The following FMN2 variants were observed in gnomAD, a reference collection of about 807,000 sequenced individuals.
FMN2 encodes formin-2.
Under a neutral mutation model 142.3 loss-of-function variants are expected in FMN2, and 51 were observed. The observed-to-expected ratio is 0.36, with a 90% confidence interval of 0.29 to 0.45. The LOEUF (loss-of-function observed/expected upper bound fraction) is 0.45, where lower values mean the gene tolerates loss of function less well. FMN2 is among the 20% of genes least tolerant of loss of function. FMN2 has a pLI of 1.00. For missense variants in FMN2, 1,936 were observed against 2,122.8 expected, an observed-to-expected ratio of 0.91 and a Z score of 1.73; for synonymous variants, 882 against 869.8, an observed-to-expected ratio of 1.01 and a Z score of -0.25.
intron 8 of FMN2, among the ~76,000 whole-genome samples, chr1:240,326,497 A>G (rs766142586): frequency 4.6e-5 from 7 of 151,856 alleles, no homozygotes; most frequent in Non-Finnish European, 8.8e-5. Context: ...TATTACTCTG[A>G]TTTACTTTAG....
intron 2 of FMN2, among the ~76,000 whole-genome samples, chr1:240,165,990 G>A (rs1233767111): frequency 6.6e-6 from 1 of 151,946 alleles, no homozygotes; most frequent in Admixed American, 6.6e-5. Flanking sequence ...GGGGGCAAAA[G>A]GATCCCCCAT....
intron 13 of FMN2, among the ~76,000 whole-genome samples, chr1:240,341,797 A>G (rs1671754372): frequency 6.6e-6 from 1 of 152,176 alleles, no homozygotes; most frequent in Admixed American, 6.5e-5. Context: ...CTGTGGGCAT[A>G]TTAGGTTTAT....
At chr1:240,359,819 A>C (rs1010451370) in intron 14 of FMN2, among the ~76,000 whole-genome samples, 9 of 152,236 alleles carry the variant, frequency 5.9e-5, no homozygotes, top group Non-Finnish European at 1.2e-4. Context: ...TATATTCTTC[A>C]TAACACTTAT....
At chr1:240,394,658 T>C (rs377452412) in intron 15 of FMN2, among the ~76,000 whole-genome samples, 1 of 152,270 alleles carries the variant, frequency 6.6e-6, no homozygotes, top group South Asian at 2.1e-4. Flanking sequence ...GAGAAGTCAA[T>C]GCCTGACTTT....
chr1:240,381,533 G>A lies in FMN2; in HGVS notation c.4859-10978G>A, dbSNP rs541019364. Among the ~76,000 whole-genome samples, 5 of 152,178 alleles carry A rather than the reference G, an allele frequency of 3.3e-5. No individual in the cohort carries two copies. The East Asian group carries it at 5.8e-4, about 18-fold the overall frequency. On this transcript the variant is annotated intron_variant, in intron 14 of 17. Transcript: ENST00000319653. ...CAGCCCCTGCCTCACAGGTTCAAGC[G>A]GTTCTCCTGCCTCAGCCTTCTGAGT...
rs571165522 is a variant in FMN2, at chr1:240,377,136, G to A, written c.4859-15375G>A. ...CATTTCCAGTTTATTTCACTCATTT[G>A]CATAGATCCAGCTTTTCATTAGGTA... On this transcript the variant is annotated intron_variant, in intron 14 of 17. Coordinates refer to ENST00000319653, the MANE Select transcript of FMN2 (RefSeq NM_020066.5). Among the ~76,000 whole-genome samples, 360 of 152,120 alleles carry A rather than the reference G, an allele frequency of 2.4e-3. 1 individual carries two copies. The highest frequency in any genetic ancestry group is 8.2e-3 in the African/African-American group (339 of 41,518).
At position 240,310,588 on chromosome 1, in the gene FMN2, T is replaced by A. The variant is rs538430292; in HGVS notation, c.4215+15705T>A. On this transcript the variant is annotated intron_variant, in intron 8 of 17. Transcript: ENST00000319653. ...CCTAGTGAGTTTTTAAAAACAAAAA[T>A]CATTACAGTTTATTTAGGGTTATTG... 6.1e-4 allele frequency among the ~76,000 whole-genome samples: 93 copies of A among 152,336 alleles called. 1 individual carries two copies. In the South Asian group the frequency reaches 0.019, roughly 31 times the overall value.
intron 2 of FMN2, among the ~76,000 whole-genome samples, chr1:240,141,442 C>G (rs576063935): frequency 6.6e-6 from 1 of 152,172 alleles, no homozygotes; most frequent in Non-Finnish European, 1.5e-5. Context: ...AACTCCTCCC[C>G]CTGCAAACTC....
intron 6 of FMN2, among the ~76,000 whole-genome samples, chr1:240,250,644 G>A (rs761927608): frequency 1.2e-3 from 188 of 151,934 alleles, no homozygotes; most frequent in Admixed American, 2.2e-3. Context: ...TTTTTGGGGG[G>A]TGGGAAGAGT....
At chr1:240,107,167 A>G (rs1661645937) in intron 1 of FMN2, among the ~76,000 whole-genome samples, 1 of 152,096 alleles carries the variant, frequency 6.6e-6, no homozygotes, top group South Asian at 2.1e-4. Flanking sequence ...CATCCCTTAC[A>G]GAATGTCCAG....
intron 13 of FMN2, among the ~76,000 whole-genome samples, chr1:240,345,447 A>G (rs979599249): frequency 6.6e-6 from 1 of 152,140 alleles, no homozygotes; most frequent in Non-Finnish European, 1.5e-5. Flanking sequence ...CGATCCCATG[A>G]GAAACCATCT....
intron 15 of FMN2, among the ~76,000 whole-genome samples, chr1:240,398,195 G>A (rs963513327): frequency 1.3e-5 from 2 of 151,934 alleles, no homozygotes; most frequent in African/African-American, 4.8e-5. Flanking sequence ...GTATAGATGG[G>A]GTTTTGCCAT....
chr1:240,355,736 A>G (rs1672243014), intron 13 of FMN2, 80 bp from the exon 14 acceptor site: 2 of 916,428 alleles, frequency 2.2e-6, no homozygotes, highest in Non-Finnish European at 3.5e-6. Context: ...ATTTTCTAAC[A>G]TTAGCTAAGA....
At position 240,248,020 on chromosome 1, in the gene FMN2, C is replaced by A. The variant is rs778550805; in HGVS notation, c.4066-9925C>A. On this transcript the variant is annotated intron_variant, in intron 6 of 17. Transcript: ENST00000319653. ...AATACATTGTTGTTAACTATGCTCA[C>A]CCTCCTCTATCATTAGAACGTATTT... Among the ~76,000 whole-genome samples the A allele has an allele frequency of 1.6e-3, 245 of 151,924 alleles. 15 individuals carry two copies. The highest frequency in any genetic ancestry group is 1.0e-3 in the Non-Finnish European group (70 of 67,990).
chr1:240,336,171 T>C (rs1572206252), intron 13 of FMN2, among the ~76,000 whole-genome samples: 1 of 151,678 alleles, frequency 6.6e-6, no homozygotes, highest in Non-Finnish European at 1.5e-5. Flanking sequence ...TAAGTAAAAA[T>C]AAAGAAAGAA....
At chr1:240,190,677 C>G (rs1162085340) in intron 4 of FMN2, among the ~76,000 whole-genome samples, 1 of 152,100 alleles carries the variant, frequency 6.6e-6, no homozygotes. Flanking sequence ...TATACTTATA[C>G]TATGATAAAA....
intron 6 of FMN2, among the ~76,000 whole-genome samples, chr1:240,243,696 T>A (rs770136568): frequency 1.3e-5 from 2 of 152,230 alleles, no homozygotes; most frequent in Non-Finnish European, 2.9e-5. Context: ...GATTATTAAC[T>A]GTATTCTACA....
At chr1:240,146,699 T>TA (rs1345546573) in intron 2 of FMN2, among the ~76,000 whole-genome samples, 2 of 152,082 alleles carry the variant, frequency 1.3e-5, no homozygotes, top group African/African-American at 2.4e-5. Context: ...AATAAAAATT[T>TA]AAAAAATAGT....
intron 13 of FMN2, among the ~76,000 whole-genome samples, chr1:240,345,101 A>G (rs534659345): frequency 6.6e-6 from 1 of 152,322 alleles, no homozygotes; most frequent in Admixed American, 6.5e-5. Context: ...CAAACTGCTC[A>G]TTCTTCTAGA....
Sources: allele counts gnomAD v4.1 joint callset (sites outside exome capture counted in the v4.1 genomes callset), GRCh38; gene constraint gnomAD v4.1.1; transcripts MANE v1.5; gene names NCBI Gene and HGNC (gene_info 2026-07-23, HGNC 2026-07-21).